Variants in AHRR observed in about 807,000 individuals in gnomAD.
AHRR encodes ahR repressor.
Under a neutral mutation model 44.0 loss-of-function variants are expected in AHRR, and 28 were observed. The observed-to-expected ratio is 0.64, with a 90% CI of 0.47 to 0.87. The LOEUF (loss-of-function observed/expected upper bound fraction) is 0.87. AHRR is among the 40% of genes least tolerant of loss of function. The probability of loss-of-function intolerance (pLI) is 0.00; values close to 1 mark genes in which losing one functional copy is unlikely to be tolerated. For synonymous variants in AHRR, 434 were observed against 407.0 expected, an observed-to-expected ratio of 1.07 and a Z score of -0.80; for missense variants, 990 against 953.9, an observed-to-expected ratio of 1.04 and a Z score of -0.50.
chr5:337,870 A>G lies in AHRR; in HGVS notation c.-10-6023A>G, dbSNP rs7701977. Among the ~76,000 whole-genome samples, 15,233 of 152,260 alleles carry G rather than the reference A, an allele frequency of 0.1. 2,460 individuals are homozygous for G. The highest frequency in any genetic ancestry group is 0.34 in the African/African-American group (14,084 of 41,496). Reference sequence around the variant, plus strand: ...GTGGTGAGCAGGAACACGAAAAAATAGGAAGCACTGGAACCAGGAGAGGCT... The same window carrying G: ...GTGGTGAGCAGGAACACGAAAAAATGGGAAGCACTGGAACCAGGAGAGGCT... On this transcript the variant is annotated intron_variant, in intron 1 of 10. Coordinates refer to ENST00000684583, the MANE Select transcript of AHRR (RefSeq NM_001377236.1). This position sits in a 1 kb window ranked among gnomAD's most constrained non-coding sequence, Gnocchi z 4.1.
At chr5:413,915 G>A (rs1241821492) in intron 5 of AHRR, among the ~76,000 whole-genome samples, 2 of 152,352 alleles carry the variant, frequency 1.3e-5, no homozygotes, top group Non-Finnish European at 2.9e-5. Flanking sequence ...TGGGGTTGAG[G>A]CCTCGTCAGA....
intron 1 of AHRR, among the ~76,000 whole-genome samples, chr5:333,457 G>A (rs963437797): frequency 3.9e-5 from 6 of 152,126 alleles, no homozygotes; most frequent in African/African-American, 1.4e-4. Context: ...TTAGCCAGGA[G>A]TGGTGGTGGA....
chr5:418,180 G>C (rs575057478), intron 5 of AHRR, among the ~76,000 whole-genome samples: 6 of 152,328 alleles, frequency 3.9e-5, no homozygotes, highest in African/African-American at 1.4e-4. Flanking sequence ...AACTCCCTAA[G>C]TGGTAGTGTA....
chr5:322,786 C>G (rs1010620259), intron 1 of AHRR: 14 of 152,244 alleles, frequency 9.2e-5, no homozygotes, highest in African/African-American at 3.1e-4. Flanking sequence ...TGAAAAGCCA[C>G]GAGTAACAAG....
intron 4 of AHRR, among the ~76,000 whole-genome samples, chr5:407,342 G>A (rs1029060062): frequency 6.6e-6 from 1 of 152,042 alleles, no homozygotes; most frequent in African/African-American, 2.4e-5. Flanking sequence ...TTTGTGTCTC[G>A]AGATGTTTTG....
At chr5:403,681 TA>T (rs1314997441) in intron 4 of AHRR, 2 of 678,168 alleles carry the variant, frequency 2.9e-6, no homozygotes, top group East Asian at 5.5e-5. Flanking sequence ...GTTAAAATGG[TA>T]TTTTTTTTTT....
At chr5:423,770 G>A (rs897726695) in intron 6 of AHRR, 71 bp from the exon 7 acceptor site, 15 of 1,523,366 alleles carry the variant, frequency 9.8e-6, no homozygotes, top group Admixed American at 5.7e-5. Context: ...AGCCGTGGGC[G>A]TGGTTGTGCG....
chr5:417,289 T>C (rs1168996845), intron 5 of AHRR, among the ~76,000 whole-genome samples: 3 of 150,098 alleles, frequency 2.0e-5, no homozygotes, highest in African/African-American at 7.4e-5. Flanking sequence ...GGCGGCTTGG[T>C]CCATATGTGC....
intron 4 of AHRR, among the ~76,000 whole-genome samples, chr5:384,316 A>G (rs1338803262): frequency 1.3e-5 from 2 of 152,182 alleles, no homozygotes; most frequent in African/African-American, 4.8e-5. Context: ...CAAAGTTGAA[A>G]TTTTACTACT....
chr5:327,728 G>T (rs938520710), intron 1 of AHRR, among the ~76,000 whole-genome samples: 1 of 152,094 alleles, frequency 6.6e-6, no homozygotes, highest in Non-Finnish European at 1.5e-5. Flanking sequence ...TTTCCATTGG[G>T]TATAGACCTA....
chr5:423,763 C>T (rs943451567), intron 6 of AHRR, 78 bp from the exon 7 acceptor site: 216 of 1,508,320 alleles, frequency 1.4e-4, no homozygotes, highest in Non-Finnish European at 1.8e-4. Flanking sequence ...GCGTGAGAGC[C>T]GTGGGCGTGG....
At chr5:331,002 G>C (rs897287762) in intron 1 of AHRR, among the ~76,000 whole-genome samples, 16 of 150,534 alleles carry the variant, frequency 1.1e-4, no homozygotes, top group African/African-American at 3.9e-4. Flanking sequence ...TCAGCCTCCC[G>C]AGTAGCTGGG....
rs917258929 is a variant in AHRR, at chr5:326,785, C to T, written c.-11+4966C>T. ...TTAAAAAAAATGATAGCTGGCCCGG[C>T]GCATGGTTCACGCCTGTAATCCCTG... On this transcript the variant is annotated intron_variant, in intron 1 of 10. Transcript: ENST00000684583. This position sits in a 1 kb window ranked among gnomAD's most constrained non-coding sequence, Gnocchi z 4.1. Among the ~76,000 whole-genome samples the T allele has an allele frequency of 1.3e-5, 2 of 152,194 alleles. No homozygotes were observed. The highest frequency in any genetic ancestry group is 2.4e-5 in the African/African-American group (1 of 41,528).
chr5:405,233 C>T lies in AHRR; in HGVS notation c.352-8111C>T, dbSNP rs145749762. On this transcript the variant is annotated intron_variant, in intron 4 of 10. Coordinates refer to ENST00000684583, the MANE Select transcript of AHRR (RefSeq NM_001377236.1). The surrounding 1 kb of genome is among the most constrained non-coding windows in gnomAD (Gnocchi z 4.5). ...CAAAGAGGTTAGCATGGAACCAACC[C>T]TCTTCCTCGGAGCTGCACGGGAATG... Among the ~76,000 whole-genome samples the T allele has an allele frequency of 2.7e-3, 413 of 152,250 alleles. No homozygotes were observed. Among genetic ancestry groups the T allele is most frequent in the African/African-American group, 9.4e-3 (390 of 41,538 alleles).
At chr5:345,263 GGGGT>G (rs367569186) in intron 2 of AHRR, among the ~76,000 whole-genome samples, 1 of 96,720 alleles carries the variant, frequency 1.0e-5, no homozygotes, top group Admixed American at 9.5e-5. Flanking sequence ...TGTGGGGAGA[GGGGT>G]GGGTGGGTGT....
intron 4 of AHRR, among the ~76,000 whole-genome samples, chr5:408,596 A>C (rs750864799): frequency 2.0e-5 from 3 of 152,102 alleles, no homozygotes; most frequent in Admixed American, 6.5e-5. Flanking sequence ...TTAATATTTC[A>C]TTTAGCACAT....
At chr5:355,061 G>A (rs1350162103) in intron 3 of AHRR, among the ~76,000 whole-genome samples, 1 of 152,252 alleles carries the variant, frequency 6.6e-6, no homozygotes, top group Non-Finnish European at 1.5e-5. Context: ...GTCACAGCAA[G>A]TTTTAGTTTT....
At position 395,073 on chromosome 5, in the gene AHRR, C is replaced by T. The variant is rs936706469; in HGVS notation, c.352-18271C>T. On this transcript the variant is annotated intron_variant, in intron 4 of 10. Coordinates refer to ENST00000684583, the MANE Select transcript of AHRR (RefSeq NM_001377236.1). The surrounding 1 kb of genome is among the most constrained non-coding windows in gnomAD (Gnocchi z 5.3). ...CAGGACGGGAAAGTGATTTCTCCCA[C>T]CTGTATTTTGACTGTGACCCCAAAG... Among the ~76,000 whole-genome samples the T allele has an allele frequency of 6.6e-6, 1 of 152,222 alleles. No homozygotes were observed. Among genetic ancestry groups the T allele is most frequent in the Non-Finnish European group, 1.5e-5 (1 of 68,032 alleles).
rs1734248625 is a variant in AHRR at position 388,215 on chromosome 5, G to T, written c.351+11499G>T. Among the ~76,000 whole-genome samples the T allele has an allele frequency of 1.3e-5, 2 of 152,158 alleles. No homozygotes were observed. Among genetic ancestry groups the T allele is most frequent in the Admixed American group, 6.5e-5 (1 of 15,286 alleles). On this transcript the variant is annotated intron_variant, in intron 4 of 10. Transcript: ENST00000684583. This position sits in a 1 kb window ranked among gnomAD's most constrained non-coding sequence, Gnocchi z 5.2. Reference sequence around the variant, plus strand: ...CTCACAGCTCTATCGTACCAGACAGGGGAAAGCTCAGGTTGGAAGAGCTCA... The same window carrying T: ...CTCACAGCTCTATCGTACCAGACAGTGGAAAGCTCAGGTTGGAAGAGCTCA...
Sources: gnomAD v4.1 joint callset for allele counts (sites outside exome capture counted in the v4.1 genomes callset) on GRCh38, gnomAD v4.1.1 for gene constraint, Gnocchi (gnomAD v3.1) non-coding constraint, MANE v1.5 for transcripts, NCBI Gene and HGNC (gene_info 2026-07-23, HGNC 2026-07-21) for gene names.